Variants in SCMH1 observed in about 807,000 individuals in gnomAD.
SCMH1 encodes Scm polycomb group protein homolog 1, also known as polycomb protein SCMH1.
SCMH1 carries 37 observed loss-of-function variants against 70.8 expected under a neutral mutation model. That is an observed-to-expected ratio of 0.52 (90% confidence interval 0.40 to 0.69). The LOEUF (loss-of-function observed/expected upper bound fraction) is 0.69. Ranked by LOEUF, SCMH1 falls within the 30% of genes least tolerant of loss-of-function variation. The pLI is 0.00. For missense variants in SCMH1, 607 were observed against 827.3 expected, an observed-to-expected ratio of 0.73 and a Z score of 3.27; for synonymous variants, 292 against 307.4, an observed-to-expected ratio of 0.95 and a Z score of 0.52.
chr1:41,217,555 T>C (rs1348738488), intron 1 of SCMH1, among the ~76,000 whole-genome samples: 2 of 152,126 alleles, frequency 1.3e-5, no homozygotes, highest in East Asian at 3.8e-4. Context: ...AAGCCAGGAA[T>C]AGAGATACAG....
At chr1:41,154,581 G>C (rs978231836) in intron 4 of SCMH1, among the ~76,000 whole-genome samples, 3 of 152,150 alleles carry the variant, frequency 2.0e-5, no homozygotes, top group African/African-American at 7.2e-5. Context: ...TTTCAGTCTA[G>C]AGATAAACAG....
intron 8 of SCMH1, among the ~76,000 whole-genome samples, chr1:41,092,268 A>G (rs556976695): frequency 2.0e-5 from 3 of 152,224 alleles, no homozygotes; most frequent in South Asian, 2.1e-4. Context: ...AACAAGAAAT[A>G]GGGAAAGGAT....
intron 2 of SCMH1, among the ~76,000 whole-genome samples, chr1:41,165,787 C>T (rs1646373621): frequency 6.6e-6 from 1 of 151,974 alleles, no homozygotes; most frequent in African/African-American, 2.4e-5. Flanking sequence ...ATATTAGTCC[C>T]TTCTCCAGTG....
rs545798666 is a variant in SCMH1 at position 41,151,452 on chromosome 1, A to G, written c.177+162T>C. Among the ~76,000 whole-genome samples, 158 of 152,336 alleles carry G rather than the reference A, an allele frequency of 1.0e-3. 1 individual carries two copies. The highest frequency in any genetic ancestry group is 3.7e-3 in the African/African-American group (154 of 41,574). On this transcript the variant is annotated intron_variant, in intron 5 of 14. Coordinates refer to ENST00000337495, the Ensembl canonical transcript of SCMH1. ...AAGAATGTCTGCTGCCAAAACTCAC[A>G]GTGACCAAATTTTACTTCTTGAGCT...
chr1:41,229,576 A>G (rs1302277307), intron 1 of SCMH1, among the ~76,000 whole-genome samples: 1 of 152,100 alleles, frequency 6.6e-6, no homozygotes, highest in East Asian at 1.9e-4. Context: ...AACAGCACAC[A>G]CCAGGGCCTG....
At chr1:41,093,383 AG>A (rs1328835175) in intron 8 of SCMH1, among the ~76,000 whole-genome samples, 1 of 73,286 alleles carries the variant, frequency 1.4e-5, no homozygotes, top group Non-Finnish European at 2.6e-5. Flanking sequence ...GGGTGGGGGG[AG>A]GGGGGAGGAA....
Position 41,151,944 on chromosome 1 carries a change from A to C in SCMH1, c.107-260T>G, listed in dbSNP as rs182728615. On this transcript the variant is annotated intron_variant, in intron 4 of 14. Transcript: ENST00000337495. ...ATGTTCATTCCTAAAGTGATCCAAAATGCCAAAGCAAGATATACTAGTACT... is the reference window on the plus strand; with the variant it reads ...ATGTTCATTCCTAAAGTGATCCAAACTGCCAAAGCAAGATATACTAGTACT... Among the ~76,000 whole-genome samples the C allele has an allele frequency of 4.6e-5, 7 of 152,350 alleles. No individual in the cohort carries two copies. The East Asian group carries it at 1.2e-3, about 25-fold the overall frequency.
intron 1 of SCMH1, among the ~76,000 whole-genome samples, chr1:41,226,075 T>C (rs890280317): frequency 4.6e-5 from 7 of 152,206 alleles, no homozygotes; most frequent in African/African-American, 1.7e-4. Flanking sequence ...GTTTGTTACC[T>C]GTTTGCAAAA....
chr1:41,105,239 C>T (rs1667610917), intron 8 of SCMH1, among the ~76,000 whole-genome samples: 2 of 152,098 alleles, frequency 1.3e-5, no homozygotes, highest in South Asian at 4.1e-4. Flanking sequence ...GCTGGGATTA[C>T]AGGCATGAGC....
At chr1:41,160,055 T>C in intron 4 of SCMH1, 1 of 241,900 alleles carries the variant, frequency 4.1e-6, no homozygotes, top group Non-Finnish European at 7.9e-6. Flanking sequence ...TTCTGACTCC[T>C]AGTCTAGTGT....
intron 12 of SCMH1, among the ~76,000 whole-genome samples, chr1:41,038,647 T>G (rs904040338): frequency 1.3e-5 from 2 of 152,174 alleles, no homozygotes; most frequent in African/African-American, 4.8e-5. Context: ...AGACAGCTAT[T>G]TACCTTTATA....
intron 2 of SCMH1, among the ~76,000 whole-genome samples, chr1:41,166,482 G>T (rs1161124625): frequency 6.6e-6 from 1 of 151,970 alleles, no homozygotes; most frequent in Non-Finnish European, 1.5e-5. Flanking sequence ...TAAACACTGG[G>T]TATCTTTCCA....
chr1:41,104,957 GC>G (rs1361638725), intron 8 of SCMH1, among the ~76,000 whole-genome samples: 3 of 137,322 alleles, frequency 2.2e-5, no homozygotes, highest in Admixed American at 8.3e-5. Flanking sequence ...ACATTAAACA[GC>G]CTTTTTTTTT....
At chr1:41,082,633 C>A (rs538721293) in intron 8 of SCMH1, among the ~76,000 whole-genome samples, 43 of 152,248 alleles carry the variant, frequency 2.8e-4, no homozygotes, top group East Asian at 3.9e-4. Context: ...TGCCAAACAG[C>A]ATCATCCTGA....
chr1:41,216,334 A>G (rs772960212), intron 1 of SCMH1, among the ~76,000 whole-genome samples: 1 of 152,190 alleles, frequency 6.6e-6, no homozygotes, highest in Non-Finnish European at 1.5e-5. Flanking sequence ...TTGAAAAATA[A>G]CTCAATTGAA....
At chr1:41,037,317 A>G (rs1157592077) in intron 13 of SCMH1, 45 bp downstream of exon 13, 1 of 1,583,344 alleles carries the variant, frequency 6.3e-7, no homozygotes, top group African/African-American at 1.3e-5. Context: ...GAAGTGAAGG[A>G]AAGAGTGAGG....
chr1:41,096,250 T>C (rs904865400), intron 8 of SCMH1, among the ~76,000 whole-genome samples: 7 of 152,218 alleles, frequency 4.6e-5, no homozygotes, highest in Non-Finnish European at 1.0e-4. Flanking sequence ...TCATCTAGTT[T>C]AACCTTTTTA....
At chr1:41,199,646 T>C (rs575181112) in intron 1 of SCMH1, among the ~76,000 whole-genome samples, 1 of 151,934 alleles carries the variant, frequency 6.6e-6, no homozygotes, top group Non-Finnish European at 1.5e-5. Flanking sequence ...AAGTATCACA[T>C]GTACTTGTTT....
intron 10 of SCMH1, among the ~76,000 whole-genome samples, chr1:41,057,261 T>G (rs1343649890): frequency 2.6e-5 from 4 of 152,254 alleles, no homozygotes; most frequent in African/African-American, 4.8e-5. Context: ...GTTGTTGTTT[T>G]TTTGTTTGTT....
Sources: allele counts gnomAD v4.1 joint callset (sites outside exome capture counted in the v4.1 genomes callset), GRCh38; gene constraint gnomAD v4.1.1; transcripts MANE v1.5; gene names NCBI Gene and HGNC (gene_info 2026-07-23, HGNC 2026-07-21).